The following SMC5 variants were observed in gnomAD, a reference collection of about 807,000 sequenced individuals.
SMC5 encodes structural maintenance of chromosomes protein 5.
Under a neutral mutation model 148.3 loss-of-function variants are expected in SMC5, and 88 were observed. The observed-to-expected ratio is 0.59, with a 90% CI of 0.50 to 0.71. The LOEUF is 0.71. SMC5 is among the 30% of genes least tolerant of loss of function. The pLI, the probability that SMC5 is intolerant of heterozygous loss-of-function variation, is 0.00. For synonymous variants in SMC5, 421 were observed against 432.8 expected, an observed-to-expected ratio of 0.97 and a Z score of 0.34; for missense variants, 1,142 against 1,298.9, an observed-to-expected ratio of 0.88 and a Z score of 1.86.
At chr9:70,288,694 T>A (rs946390363) in intron 8 of SMC5, among the ~76,000 whole-genome samples, 4 of 152,102 alleles carry the variant, frequency 2.6e-5, no homozygotes, top group Non-Finnish European at 5.9e-5. Flanking sequence ...TTTAAATGTT[T>A]TCGTTTGAGG....
At position 70,352,652 on chromosome 9, in the gene SMC5, C is replaced by A. The variant is rs549551312; in HGVS notation, c.*321C>A. On this transcript the variant is annotated 3_prime_UTR_variant, in exon 25 of 25. Coordinates refer to ENST00000361138, the MANE Select transcript of SMC5 (RefSeq NM_015110.4). Reference sequence around the variant, plus strand: ...AAGAAGGGTTAATCACAAGAAGTTACTTATATGGTAGCCCTGAGCTTTAAT... The same window carrying A: ...AAGAAGGGTTAATCACAAGAAGTTAATTATATGGTAGCCCTGAGCTTTAAT... 1.1e-4 allele frequency: 22 copies of A among 205,056 alleles called. No individual in the cohort carries two copies. Among genetic ancestry groups the A allele is most frequent in the Non-Finnish European group, 2.1e-4 (21 of 101,548 alleles). 12.7% of individuals were successfully genotyped at this position (205,056 alleles called of 1,614,324 possible).
chr9:70,314,900 A>G, intron 12 of SMC5, 64 bp downstream of exon 12: 1 of 1,050,628 alleles, frequency 9.5e-7, no homozygotes, highest in Non-Finnish European at 1.4e-6. Context: ...TTGTTACATA[A>G]ATAAGCTATT....
At chr9:70,311,860 T>C (rs895780759) in intron 11 of SMC5, 1 of 152,132 alleles carries the variant, frequency 6.6e-6, no homozygotes, top group Non-Finnish European at 1.5e-5. Context: ...CTTTCTTTTT[T>C]TTCCCAATCT....
At chr9:70,282,634 T>C (rs749525035) in intron 7 of SMC5, 51 bp downstream of exon 7, 1 of 1,495,642 alleles carries the variant, frequency 6.7e-7, no homozygotes, top group Middle Eastern at 1.9e-4. Context: ...TTAGCAAATA[T>C]AAAAAATATT....
chr9:70,323,606 G>A lies in SMC5; in HGVS notation c.2274G>A (p.Lys758=). 2 of 1,608,802 alleles carry A rather than the reference G, an allele frequency of 1.2e-6. No individual in the cohort carries two copies. The highest frequency in any genetic ancestry group is 1.7e-6 in the Non-Finnish European group (2 of 1,178,012). ...TTACCGAATTAACAAACCTAATAAAGGTAAGGTATTGTTTTAATTTTAGTC... is the reference window on the plus strand; with the variant it reads ...TTACCGAATTAACAAACCTAATAAAAGTAAGGTATTGTTTTAATTTTAGTC... ...KLVTELTNLI[K]ICTSLHIQKV... The change falls in exon 16 of 25, where the codon AAG becomes AAA. Residue 758 remains lysine, a splice_region_variant and synonymous_variant. Transcript: ENST00000361138.
At chr9:70,339,712 C>T (rs1159234592) in intron 17 of SMC5, among the ~76,000 whole-genome samples, 1 of 151,966 alleles carries the variant, frequency 6.6e-6, no homozygotes, top group Non-Finnish European at 1.5e-5. Flanking sequence ...AAAATAAATT[C>T]ACAAAAGAAG....
At chr9:70,297,050 T>C (rs892056581) in intron 8 of SMC5, among the ~76,000 whole-genome samples, 1 of 151,528 alleles carries the variant, frequency 6.6e-6, no homozygotes, top group African/African-American at 2.4e-5. Flanking sequence ...AGTATCTCTA[T>C]CCAAAATACT....
Position 70,315,429 on chromosome 9 carries a change from A to T in SMC5, c.1674-17A>T. 1 of 1,522,750 alleles carries T rather than the reference A, an allele frequency of 6.6e-7. No homozygotes were observed. The allele number at this position is 1,522,750 out of a possible 1,614,324, so 94.3% of individuals were successfully genotyped here. On this transcript the variant is annotated splice_polypyrimidine_tract_variant and intron_variant, in intron 12 of 24. Coordinates refer to ENST00000361138, the MANE Select transcript of SMC5 (RefSeq NM_015110.4). ...ATATTTTAAGAAGAAAAATCTAATCAATACTTTTCCTTTCAGACAATACGG... is the reference window on the plus strand; with the variant it reads ...ATATTTTAAGAAGAAAAATCTAATCTATACTTTTCCTTTCAGACAATACGG...
intron 8 of SMC5, among the ~76,000 whole-genome samples, chr9:70,292,076 T>C (rs1473485971): frequency 1.3e-5 from 2 of 152,172 alleles, no homozygotes; most frequent in East Asian, 3.8e-4. Context: ...TTACAAGCAT[T>C]TGGTTAAATT....
rs779170038 is a variant in SMC5, at chr9:70,347,730, T to G, written c.2769+13T>G. The G allele has an allele frequency of 2.8e-6, 4 of 1,422,876 alleles. No homozygotes were observed. Among genetic ancestry groups the G allele is most frequent in the Non-Finnish European group, 3.8e-6 (4 of 1,040,254 alleles). The allele number at this position is 1,422,876 out of a possible 1,614,324, so 88.1% of individuals were successfully genotyped here. A position where few individuals can be genotyped will look rare whatever the true frequency, so the allele number is the denominator to read the frequency against. The stretch of plus-strand genomic sequence containing the variant: ...AAACATTTCACAGGTAATTTTTTAG[T>G]TTTTAATCTTTTTATCATGTGATTA... On this transcript the variant is annotated intron_variant, in intron 21 of 24. Coordinates refer to ENST00000361138, the MANE Select transcript of SMC5 (RefSeq NM_015110.4).
intron 17 of SMC5, among the ~76,000 whole-genome samples, chr9:70,337,537 C>A (rs2036394870): frequency 6.7e-6 from 1 of 148,892 alleles, no homozygotes; most frequent in Non-Finnish European, 1.5e-5. Flanking sequence ...CTCACTGCAA[C>A]CTCAGTCTCC....
intron 2 of SMC5, among the ~76,000 whole-genome samples, chr9:70,266,843 G>A (rs1384493415): frequency 1.3e-5 from 2 of 152,080 alleles, no homozygotes; most frequent in African/African-American, 4.8e-5. Flanking sequence ...TTTAATTCTT[G>A]CAAGCTAATG....
Position 70,314,751 on chromosome 9 carries a change from A to G in SMC5, c.1588A>G (p.Asn530Asp). 1 of 1,545,826 alleles carries G rather than the reference A, an allele frequency of 6.5e-7. No individual in the cohort carries two copies. The highest frequency in any genetic ancestry group is 8.8e-7 in the Non-Finnish European group (1 of 1,141,556). Residue 530 changes from asparagine to aspartate, a missense_variant, in exon 12 of 25, where the codon AAT becomes GAT. Around this residue, in one of 5 missense-constraint regions of SMC5, gnomAD observed 743 missense variants for 835.7 expected, o/e 0.89. Transcript: ENST00000361138. ...TTTTCCCTATATTCAGGTTCGTGACAATAAAAAATTAAGAGTAAATGCTGT... is the reference window on the plus strand; with the variant it reads ...TTTTCCCTATATTCAGGTTCGTGACGATAAAAAATTAAGAGTAAATGCTGT... Reference protein sequence around the residue: ...MEVFLKEVRDNKKLRVNAVIA... With the variant: ...MEVFLKEVRDDKKLRVNAVIA...
intron 20 of SMC5, 118 bp from the exon 21 acceptor site, chr9:70,347,495 C>T: frequency 1.7e-6 from 1 of 593,360 alleles, no homozygotes; most frequent in Non-Finnish European, 2.9e-6. Context: ...ATATTATTTG[C>T]ATACAAACAA....
intron 17 of SMC5, among the ~76,000 whole-genome samples, chr9:70,343,435 A>G (rs966480980): frequency 6.6e-6 from 1 of 152,208 alleles, no homozygotes; most frequent in Non-Finnish European, 1.5e-5. Context: ...AAAACTATCA[A>G]GCATGATTTA....
At chr9:70,322,396 A>G (rs1318393362) in intron 15 of SMC5, among the ~76,000 whole-genome samples, 2 of 152,200 alleles carry the variant, frequency 1.3e-5, no homozygotes, top group African/African-American at 4.8e-5. Context: ...TTACTAGCCT[A>G]CTATCTCCTA....
At chr9:70,302,128 T>C (rs1233907101) in intron 10 of SMC5, among the ~76,000 whole-genome samples, 1 of 152,182 alleles carries the variant, frequency 6.6e-6, no homozygotes, top group Non-Finnish European at 1.5e-5. Context: ...ATCCAGCATT[T>C]TGGGAGGCCG....
At chr9:70,323,702 T>G (rs1418422494) in intron 16 of SMC5, 96 bp downstream of exon 16, 36 of 1,323,570 alleles carry the variant, frequency 2.7e-5, no homozygotes, top group Non-Finnish European at 3.4e-5. Context: ...TTGATTAAGG[T>G]TTTTGACATT....
intron 2 of SMC5, among the ~76,000 whole-genome samples, chr9:70,267,018 G>A (rs1288142541): frequency 6.7e-6 from 1 of 149,324 alleles, no homozygotes; most frequent in African/African-American, 2.5e-5. Flanking sequence ...GTACTTGGTG[G>A]TTACAAGATA....
Sources: allele counts gnomAD v4.1 joint callset (sites outside exome capture counted in the v4.1 genomes callset), GRCh38; gene constraint gnomAD v4.1.1; regional missense constraint gnomAD v4.1.1; transcripts MANE v1.5; gene names NCBI Gene and HGNC (gene_info 2026-07-23, HGNC 2026-07-21).